Variants in ZFHX3 observed in about 807,000 individuals in gnomAD.
ZFHX3 encodes zinc finger homeobox 3.
Under a neutral mutation model 279.1 loss-of-function variants are expected in ZFHX3, and 42 were observed. The ratio of observed to expected loss-of-function variants is 0.15; its 90% CI spans 0.12 to 0.19. The LOEUF (loss-of-function observed/expected upper bound fraction) is 0.19, where lower values mean the gene tolerates loss of function less well. Among genes scored for constraint, ZFHX3 ranks in the 10% least tolerant of loss-of-function variants. The pLI is 1.00. For missense variants in ZFHX3, 4,981 were observed against 4,754.0 expected, an observed-to-expected ratio of 1.05 and a Z score of -1.40; for synonymous variants, 2,293 against 1,957.8, an observed-to-expected ratio of 1.17 and a Z score of -4.52.
intron 4 of ZFHX3, among the ~76,000 whole-genome samples, chr16:72,847,695 C>A (rs1001160324): frequency 2.0e-5 from 3 of 151,918 alleles, no homozygotes; most frequent in African/African-American, 7.3e-5. Context: ...GGGGACCCAA[C>A]AGGGACACCC....
At chr16:73,843,097 G>C (rs1037625469) in intron 1 of ZFHX3, among the ~76,000 whole-genome samples, 3 of 152,160 alleles carry the variant, frequency 2.0e-5, no homozygotes, top group Middle Eastern at 3.2e-3. Flanking sequence ...TTCCAGAATA[G>C]GTGTCAATTT....
At position 73,561,655 on chromosome 16, in the gene ZFHX3, T is replaced by G. The variant is rs577316909; in HGVS notation, c.-1546-105397A>C. The stretch of plus-strand genomic sequence containing the variant: ...AAATAACTAGGGTTTATTATTCTTA[T>G]ACTTTACTGAAGACAACTAACTCTC... On this transcript the variant is annotated intron_variant, in intron 2 of 17. Transcript: ENST00000641206. Among the ~76,000 whole-genome samples, 53 of 151,570 alleles carry G rather than the reference T, an allele frequency of 3.5e-4. 1 individual carries two copies. The South Asian group carries it at 0.01, about 29-fold the overall frequency.
chr16:73,308,511 G>A (rs1192254239), intron 4 of ZFHX3, among the ~76,000 whole-genome samples: 2 of 151,790 alleles, frequency 1.3e-5, no homozygotes, highest in East Asian at 1.9e-4. Flanking sequence ...GGGTGGTCTC[G>A]AACTCCTGAC....
At chr16:73,786,327 T>C (rs1466543462) in intron 1 of ZFHX3, among the ~76,000 whole-genome samples, 3 of 152,170 alleles carry the variant, frequency 2.0e-5, no homozygotes, top group Non-Finnish European at 4.4e-5. Flanking sequence ...TTCTTCCCCC[T>C]GTAATTGTCA....
intron 2 of ZFHX3, among the ~76,000 whole-genome samples, chr16:73,519,349 AT>A (rs1429492391): frequency 6.6e-6 from 1 of 152,174 alleles, no homozygotes; most frequent in East Asian, 1.9e-4. Flanking sequence ...TATTCTATAA[AT>A]TTTTAAAATG....
chr16:73,498,052 A>G (rs2019171192), intron 2 of ZFHX3, among the ~76,000 whole-genome samples: 1 of 152,206 alleles, frequency 6.6e-6, no homozygotes, highest in Admixed American at 6.5e-5. Flanking sequence ...CAATATTAAC[A>G]ATGGCCATTG....
chr16:73,303,963 G>GGAAAAAAAA (rs781722281), intron 4 of ZFHX3, among the ~76,000 whole-genome samples: 4 of 76,116 alleles, frequency 5.3e-5, no homozygotes, highest in African/African-American at 9.2e-5. Flanking sequence ...ACCCTAGGTG[G>GGAAAAAAAA]AAAAAAAAAA....
chr16:73,812,866 A>C (rs1473454832), intron 1 of ZFHX3, among the ~76,000 whole-genome samples: 2 of 152,206 alleles, frequency 1.3e-5, no homozygotes, highest in Non-Finnish European at 2.9e-5. Context: ...CCAATATGGG[A>C]GCAGCCTTAA....
chr16:73,400,555 A>G (rs771352936), intron 3 of ZFHX3: 5 of 152,128 alleles, frequency 3.3e-5, no homozygotes, highest in Non-Finnish European at 5.9e-5. Context: ...CCGTCTTCCA[A>G]TCTTGCATAA....
intron 1 of ZFHX3, among the ~76,000 whole-genome samples, chr16:73,838,621 A>G (rs2142366315): frequency 6.6e-6 from 1 of 152,316 alleles, no homozygotes; most frequent in South Asian, 2.1e-4. Context: ...TCAGGTATCA[A>G]CAGGTCTTTT....
intron 1 of ZFHX3, among the ~76,000 whole-genome samples, chr16:73,821,100 G>A (rs1960727020): frequency 6.6e-6 from 1 of 152,128 alleles, no homozygotes; most frequent in African/African-American, 2.4e-5. Flanking sequence ...AAAACAGTCT[G>A]ACACTAAAGC....
intron 1 of ZFHX3, among the ~76,000 whole-genome samples, chr16:73,716,526 T>C (rs2053415817): frequency 6.6e-6 from 1 of 151,970 alleles, no homozygotes; most frequent in Admixed American, 6.6e-5. Flanking sequence ...CTCCCACCTC[T>C]CAAGGACAGA....
chr16:72,983,692 T>C (rs1567618315), intron 1 of ZFHX3, among the ~76,000 whole-genome samples: 1 of 150,518 alleles, frequency 6.6e-6, no homozygotes, highest in Non-Finnish European at 1.5e-5. Flanking sequence ...GGGTGACAGA[T>C]CAAGATCTTG....
At chr16:73,472,620 G>C (rs145594941) in intron 2 of ZFHX3, among the ~76,000 whole-genome samples, 2 of 152,146 alleles carry the variant, frequency 1.3e-5, no homozygotes, top group Non-Finnish European at 2.9e-5. Context: ...CCGTCCTACC[G>C]TCTGTGCCAT....
intron 3 of ZFHX3, among the ~76,000 whole-genome samples, chr16:73,390,065 A>C (rs2016981217): frequency 6.6e-6 from 1 of 152,160 alleles, no homozygotes; most frequent in African/African-American, 2.4e-5. Flanking sequence ...GTCTCAAAAA[A>C]ATAAATAAAA....
At chr16:72,906,771 C>T (rs1291452006) in intron 3 of ZFHX3, among the ~76,000 whole-genome samples, 1 of 152,154 alleles carries the variant, frequency 6.6e-6, no homozygotes. Context: ...GCACTCCAGA[C>T]TGGGCAACAG....
At chr16:73,415,766 T>TG (rs2017559427) in intron 3 of ZFHX3, among the ~76,000 whole-genome samples, 1 of 152,172 alleles carries the variant, frequency 6.6e-6, no homozygotes, top group Non-Finnish European at 1.5e-5. Context: ...ACAACCCAGC[T>TG]GCCTGTCATA....
intron 7 of ZFHX3, among the ~76,000 whole-genome samples, chr16:73,109,852 AC>A (rs1273443005): frequency 3.0e-4 from 10 of 32,896 alleles, no homozygotes; most frequent in Middle Eastern, 0.018. Flanking sequence ...TGGTCTCAAA[AC>A]AAAAACAAAA....
intron 1 of ZFHX3, among the ~76,000 whole-genome samples, chr16:72,965,795 T>C (rs1395437091): frequency 6.6e-6 from 1 of 152,202 alleles, no homozygotes; most frequent in African/African-American, 2.4e-5. Context: ...ATACTGTAAG[T>C]TCTTCATAGT....
Sources: gnomAD v4.1 joint callset for allele counts (sites outside exome capture counted in the v4.1 genomes callset) on GRCh38, gnomAD v4.1.1 for gene constraint, MANE v1.5 for transcripts, NCBI Gene and HGNC (gene_info 2026-07-23, HGNC 2026-07-21) for gene names.